Variants in PTCHD4 observed in about 807,000 individuals in gnomAD.
The protein encoded by PTCHD4 is patched domain-containing protein 4.
PTCHD4 carries 33 observed loss-of-function variants against 58.1 expected under a neutral mutation model. The observed-to-expected ratio is 0.57, with a 90% CI of 0.43 to 0.76. The LOEUF is 0.76. Ranked by LOEUF, PTCHD4 falls within the 30% of genes least tolerant of loss-of-function variation. The pLI is 0.00. For missense variants in PTCHD4, 1,058 were observed against 1,027.1 expected, an observed-to-expected ratio of 1.03 and a Z score of -0.41; for synonymous variants, 478 against 409.6, an observed-to-expected ratio of 1.17 and a Z score of -2.02.
intron 1 of PTCHD4, among the ~76,000 whole-genome samples, chr6:48,070,155 G>GTGTGTGTA (rs1554180455): frequency 1.1e-3 from 112 of 100,314 alleles, no homozygotes; most frequent in Middle Eastern, 4.5e-3. Flanking sequence ...GTGTGTGTGT[G>GTGTGTGTA]TATATATATA....
intron 4 of PTCHD4, among the ~76,000 whole-genome samples, chr6:47,995,049 T>G (rs540576527): frequency 6.6e-6 from 1 of 152,304 alleles, no homozygotes; most frequent in African/African-American, 2.4e-5. Flanking sequence ...ATTAAACTCA[T>G]TTGGTCTAGA....
At chr6:48,110,792 A>AATATATAT (rs368749348) in intron 1 of PTCHD4, among the ~76,000 whole-genome samples, 30 of 142,840 alleles carry the variant, frequency 2.1e-4, no homozygotes, top group African/African-American at 7.4e-4. Flanking sequence ...TATATATATA[A>AATATATAT]ATATATATAT....
chr6:47,978,082 C>A (rs1767760936), intron 4 of PTCHD4, among the ~76,000 whole-genome samples: 1 of 152,014 alleles, frequency 6.6e-6, no homozygotes, highest in African/African-American at 2.4e-5. Context: ...CTTACTGCTT[C>A]CCTACTCCTC....
intron 4 of PTCHD4, among the ~76,000 whole-genome samples, chr6:47,897,678 G>A (rs993573899): frequency 2.6e-5 from 4 of 152,110 alleles, no homozygotes; most frequent in African/African-American, 2.4e-5. Context: ...CTTTACCAAG[G>A]ACTTTGGGCA....
In PTCHD4 at chr6:47,859,362, G is replaced by C. The variant is rs1262091218; in HGVS notation, c.*18941C>G. ...GTTTAAGCTACTGATAAATATTTAA[G>C]GGAGTGCAGGGGTAGATGTTAATAT... On this transcript the variant is annotated 3_prime_UTR_variant, in exon 5 of 5. Coordinates refer to ENST00000339488, the MANE Select transcript of PTCHD4 (RefSeq NM_001384253.1). Among the ~76,000 whole-genome samples the C allele has an allele frequency of 6.6e-6, 1 of 151,988 alleles. No individual in the cohort carries two copies. Among genetic ancestry groups the C allele is most frequent in the Non-Finnish European group, 1.5e-5 (1 of 67,962 alleles).
In PTCHD4 at chr6:48,008,914, A is replaced by T. The variant is rs771173497; in HGVS notation, c.618T>A (p.His206Gln). 4.3e-6 allele frequency: 7 copies of T among 1,613,952 alleles called. No homozygotes were observed. Among genetic ancestry groups the T allele is most frequent in the South Asian group, 1.1e-5 (1 of 91,076 alleles). Residue 206 changes from histidine to glutamine, a missense_variant, in exon 4 of 5, where the codon CAT (histidine) becomes CAA (glutamine). Physicochemically the swap from His to Gln is conservative, Grantham distance 24 (BLOSUM62 0). Coordinates refer to ENST00000339488, the MANE Select transcript of PTCHD4 (RefSeq NM_001384253.1). Reference sequence around the variant, plus strand: ...CTAAAGAGTAGAGCTGGAGTTCTTGATGCTCCTCCTGGAGCTTCCTTATAA... The same window carrying T: ...CTAAAGAGTAGAGCTGGAGTTCTTGTTGCTCCTCCTGGAGCTTCCTTATAA... ...CKLIRKLQEEHQELQLYSLAS... is the reference protein window; with the variant it reads ...CKLIRKLQEEQQELQLYSLAS...
rs755650751 is a variant in PTCHD4 at position 48,008,693 on chromosome 6, A to G, written c.839T>C (p.Phe280Ser). The part of the protein sequence containing the change: ...CISIITAAGI[F>S]FITDGKYNST... ...GTTGTACTTTCCATCGGTGATGAAGAAGATCCCTGCTGCTGTGATGATGGA... is the reference window on the plus strand; with the variant it reads ...GTTGTACTTTCCATCGGTGATGAAGGAGATCCCTGCTGCTGTGATGATGGA... The change falls in exon 4 of 5, where the codon TTC becomes TCC. Residue 280 changes from phenylalanine (F) to serine (S), a missense_variant. Physicochemically the swap from Phe to Ser is radical, Grantham distance 155 (BLOSUM62 -2). Coordinates refer to ENST00000339488, the MANE Select transcript of PTCHD4 (RefSeq NM_001384253.1). 3.1e-6 allele frequency: 5 copies of G among 1,613,548 alleles called. No individual in the cohort carries two copies. The African/African-American group carries it at 6.7e-5, about 22-fold the overall frequency.
chr6:48,078,884 G>C (rs1357429900), intron 1 of PTCHD4, among the ~76,000 whole-genome samples: 3 of 151,978 alleles, frequency 2.0e-5, no homozygotes, highest in Non-Finnish European at 2.9e-5. Flanking sequence ...TTTGGGAGGC[G>C]GAGGCGGGCG....
intron 3 of PTCHD4, among the ~76,000 whole-genome samples, chr6:48,046,955 A>T (rs191795992): frequency 6.6e-6 from 1 of 151,934 alleles, no homozygotes; most frequent in African/African-American, 2.4e-5. Context: ...AACAGTGTGG[A>T]TGCTCATAAC....
At chr6:48,046,048 T>C (rs1180118540) in intron 3 of PTCHD4, among the ~76,000 whole-genome samples, 1 of 151,824 alleles carries the variant, frequency 6.6e-6, no homozygotes, top group Non-Finnish European at 1.5e-5. Context: ...GAACTAGATA[T>C]TCAGACATCC....
chr6:48,078,757 A>C (rs996440062), intron 1 of PTCHD4, among the ~76,000 whole-genome samples: 4 of 151,864 alleles, frequency 2.6e-5, no homozygotes, highest in African/African-American at 9.7e-5. Flanking sequence ...TCTTCAAAGT[A>C]CTCTAAAAAT....
chr6:47,891,200 T>G (rs1764370181), intron 4 of PTCHD4, among the ~76,000 whole-genome samples: 1 of 124,212 alleles, frequency 8.1e-6, no homozygotes, highest in African/African-American at 3.2e-5. Flanking sequence ...CCAGTCTGGG[T>G]GACAGAGTGA....
At chr6:48,041,340 T>C (rs1354914476) in intron 3 of PTCHD4, among the ~76,000 whole-genome samples, 2 of 152,028 alleles carry the variant, frequency 1.3e-5, no homozygotes. Context: ...ATAACCCAAC[T>C]TCAAACACTC....
Position 47,874,053 on chromosome 6 carries a change from G to A in PTCHD4, c.*4250C>T, listed in dbSNP as rs1454517832. 6.6e-6 allele frequency among the ~76,000 whole-genome samples: 1 copy of A among 151,720 alleles called. No individual in the cohort carries two copies. Among genetic ancestry groups the A allele is most frequent in the African/African-American group, 2.4e-5 (1 of 41,356 alleles). ...AATCTCTAAGAGACAATATCTAAAT[G>A]TCAGTCTCATGGCATTGTATTTTCT... On this transcript the variant is annotated 3_prime_UTR_variant, in exon 5 of 5. Coordinates refer to ENST00000339488, the MANE Select transcript of PTCHD4 (RefSeq NM_001384253.1).
intron 4 of PTCHD4, among the ~76,000 whole-genome samples, chr6:47,988,884 C>A (rs1380422653): frequency 6.6e-6 from 1 of 152,054 alleles, no homozygotes; most frequent in Non-Finnish European, 1.5e-5. Context: ...GAAAAGATAC[C>A]CGAAAATGTG....
chr6:48,008,855 G>A lies in PTCHD4; in HGVS notation c.677C>T (p.Thr226Ile). 6.2e-7 allele frequency: 1 copy of A among 1,613,978 alleles called. No individual in the cohort carries two copies. Among genetic ancestry groups the A allele is most frequent in the Non-Finnish European group, 8.5e-7 (1 of 1,179,892 alleles). ...SFSLWRDFHK[T>I]SILARSKVLV... Reference sequence around the variant, plus strand: ...GACCTTGCTTCTGGCCAGGATGCTGGTCTTATGAAAGTCCCTCCAGAGGCT... The same window carrying A: ...GACCTTGCTTCTGGCCAGGATGCTGATCTTATGAAAGTCCCTCCAGAGGCT... Residue 226 changes from threonine to isoleucine, a missense_variant, in exon 4 of 5, where the codon ACC becomes ATC. By Grantham distance (89) the Thr-to-Ile change is moderately conservative. Transcript: ENST00000339488.
intron 4 of PTCHD4, among the ~76,000 whole-genome samples, chr6:47,914,119 G>T (rs1194663289): frequency 6.6e-6 from 1 of 152,092 alleles, no homozygotes; most frequent in East Asian, 1.9e-4. Context: ...ATACACTTAT[G>T]TTTGGTATTA....
intron 1 of PTCHD4, among the ~76,000 whole-genome samples, chr6:48,088,789 A>T (rs947580869): frequency 6.6e-6 from 1 of 152,122 alleles, no homozygotes; most frequent in Non-Finnish European, 1.5e-5. Context: ...CACTCCTGTA[A>T]TCCCAGCGCT....
intron 3 of PTCHD4, among the ~76,000 whole-genome samples, chr6:48,021,298 A>G (rs1047773370): frequency 1.3e-5 from 2 of 152,068 alleles, no homozygotes; most frequent in Admixed American, 1.3e-4. Flanking sequence ...CTGGCTGCTA[A>G]TGGTAGGGAA....
Sources: allele counts gnomAD v4.1 joint callset (sites outside exome capture counted in the v4.1 genomes callset), GRCh38; gene constraint gnomAD v4.1.1; transcripts MANE v1.5; gene names NCBI Gene and HGNC (gene_info 2026-07-23, HGNC 2026-07-21).